The following NOX1 variants were observed in gnomAD, a reference collection of about 807,000 sequenced individuals.
NOX1 encodes the protein NADH/NADPH mitogenic oxidase subunit P65-MOX.
A neutral mutation model predicts 42.5 loss-of-function variants in NOX1; 34 were observed. The observed-to-expected ratio is 0.80, with a 90% CI of 0.61 to 1.07. The LOEUF is 1.07. NOX1 is among the 50% of genes least tolerant of loss of function. The pLI is 0.00. For missense variants in NOX1, 408 were observed against 427.0 expected, an observed-to-expected ratio of 0.96 and a Z score of 0.39; for synonymous variants, 143 against 152.5, an observed-to-expected ratio of 0.94 and a Z score of 0.46.
Position 100,849,864 on chromosome X carries a change from C to T in NOX1, c.1204G>A (p.Gly402Arg), listed in dbSNP as rs2085101009. The T allele has an allele frequency of 4.1e-6, 5 of 1,209,242 alleles. No individual in the cohort carries two copies. The highest frequency in any genetic ancestry group is 5.6e-6 in the Non-Finnish European group (5 of 894,631). Residue 402 changes from glycine to arginine, a missense_variant, in exon 10 of 13, where the codon GGA becomes AGA. Coordinates refer to ENST00000372966, the MANE Select transcript of NOX1 (RefSeq NM_007052.5). ...AAGGGGGTGACCCCAATTCCTGCTC[C>T]AACCAGCACAGCCACTTCATACTGG... ...VFQYEVAVLV[G>R]AGIGVTPFAS...
chrX:100,846,589 G>T (rs141947151), intron 12 of NOX1, among the ~76,000 whole-genome samples: 2 of 110,275 alleles, frequency 1.8e-5, no homozygotes, highest in African/African-American at 6.6e-5. Flanking sequence ...ATATAACCTA[G>T]GCAGCATTCC....
intron 7 of NOX1, among the ~76,000 whole-genome samples, chrX:100,857,072 T>A (rs1403532400): frequency 9.0e-6 from 1 of 111,515 alleles, no homozygotes. Context: ...TGTTATTCCC[T>A]TCTTTGTGTG....
chrX:100,872,190 C>G lies in NOX1; in HGVS notation c.46-1376G>C, dbSNP rs138655449. Among the ~76,000 whole-genome samples the G allele has an allele frequency of 8.0e-3, 893 of 112,039 alleles. 6 individuals are homozygous for G. Among genetic ancestry groups the G allele is most frequent in the African/African-American group, 0.027 (842 of 30,835 alleles). ...GTTACCCTTTTCCAGAGCTGAGTGT[C>G]TTCCAGAGAAACGTCTTTGAAAGAA... On this transcript the variant is annotated intron_variant, in intron 1 of 12. Coordinates refer to ENST00000372966, the MANE Select transcript of NOX1 (RefSeq NM_007052.5).
intron 12 of NOX1, among the ~76,000 whole-genome samples, chrX:100,844,584 C>T (rs1292932674): frequency 9.0e-6 from 1 of 111,271 alleles, no homozygotes; most frequent in Non-Finnish European, 1.9e-5. Context: ...AGGCACGCAC[C>T]AGCATGCCCA....
chrX:100,873,404 T>C (rs1027706715), intron 1 of NOX1, among the ~76,000 whole-genome samples: 17 of 112,113 alleles, frequency 1.5e-4, no homozygotes, highest in Non-Finnish European at 2.6e-4. Flanking sequence ...ATCTGCACTA[T>C]GCAATGCCAC....
At position 100,862,338 on chromosome X, in the gene NOX1, G is replaced by A. The variant is rs754563063; in HGVS notation, c.672-35C>T. ...ACAAAGAAGGATGGTTTGGGACAAA[G>A]AATTATGCAAGGTCAGGGGCTGGGG... On this transcript the variant is annotated intron_variant, in intron 6 of 12. Transcript: ENST00000372966. 4 of 1,210,991 alleles carry A rather than the reference G, an allele frequency of 3.3e-6. No individual in the cohort carries two copies. The African/African-American group carries it at 6.9e-5, about 21-fold the overall frequency.
intron 7 of NOX1, among the ~76,000 whole-genome samples, chrX:100,861,249 T>A (rs940845393): frequency 4.5e-5 from 5 of 111,676 alleles, no homozygotes; most frequent in Non-Finnish European, 9.4e-5. Flanking sequence ...TTTTCCCAGA[T>A]GATGATCTTA....
chrX:100,868,033 C>A (rs1208914346), intron 2 of NOX1, among the ~76,000 whole-genome samples: 1 of 111,918 alleles, frequency 8.9e-6, no homozygotes, highest in East Asian at 2.8e-4. Context: ...ACATTTTGGT[C>A]ATGTAGTAAT....
intron 7 of NOX1, among the ~76,000 whole-genome samples, chrX:100,858,212 G>A (rs905492737): frequency 9.0e-6 from 1 of 111,500 alleles, no homozygotes; most frequent in Non-Finnish European, 1.9e-5. Flanking sequence ...GCTTATTTTT[G>A]TTGACTTTGT....
intron 7 of NOX1, among the ~76,000 whole-genome samples, chrX:100,857,095 A>G (rs1277004419): frequency 9.0e-6 from 1 of 111,516 alleles, no homozygotes; most frequent in Non-Finnish European, 1.9e-5. Context: ...TATGTACTCA[A>G]TGTTTAGCTA....
intron 2 of NOX1, among the ~76,000 whole-genome samples, chrX:100,868,042 A>G (rs2085250631): frequency 8.9e-6 from 1 of 112,372 alleles, no homozygotes; most frequent in Non-Finnish European, 1.9e-5. Flanking sequence ...TCATGTAGTA[A>G]TCAAGCTGTT....
At chrX:100,870,297 G>A (rs2085266152) in intron 2 of NOX1, among the ~76,000 whole-genome samples, 1 of 109,218 alleles carries the variant, frequency 9.2e-6, no homozygotes, top group South Asian at 4.0e-4. Context: ...AGGAGCAGGA[G>A]CACTGCCCAG....
rs768926198 is a variant in NOX1 at position 100,874,092 on chromosome X, T to C, written c.45+3A>G. 6 of 1,186,710 alleles carry C rather than the reference T, an allele frequency of 5.1e-6. No homozygotes were observed. The East Asian group carries it at 1.8e-4, about 35-fold the overall frequency. On this transcript the variant is annotated splice_donor_region_variant and intron_variant, in intron 1 of 12. Transcript: ENST00000372966. ...AATTAATAGGAAGTCAAACATCACT[T>C]ACCAGAAACAAAACTGAAAACCAGT...
intron 2 of NOX1, among the ~76,000 whole-genome samples, chrX:100,868,751 T>C (rs1457391627): frequency 9.0e-6 from 1 of 111,671 alleles, no homozygotes; most frequent in Non-Finnish European, 1.9e-5. Context: ...TTTCTTAAAA[T>C]TGTAAGCAGG....
chrX:100,847,857 C>G (rs996266148), intron 12 of NOX1, among the ~76,000 whole-genome samples: 2 of 109,596 alleles, frequency 1.8e-5, no homozygotes, highest in African/African-American at 6.6e-5. Flanking sequence ...TCAGCTTCAT[C>G]TCCTTCCCAT....
At chrX:100,862,055 G>T in intron 7 of NOX1, 116 bp downstream of exon 7, 2 of 853,170 alleles carry the variant, frequency 2.3e-6, no homozygotes, top group Non-Finnish European at 3.3e-6. Context: ...TCCTTCATAA[G>T]ACCCAGCACA....
chrX:100,873,104 G>A (rs1484001366), intron 1 of NOX1, among the ~76,000 whole-genome samples: 1 of 109,521 alleles, frequency 9.1e-6, no homozygotes, highest in Non-Finnish European at 1.9e-5. Context: ...TTTTGCCTGT[G>A]GGACCCAAAA....
chrX:100,862,712 T>C lies in NOX1; in HGVS notation c.446A>G (p.Lys149Arg). 1 of 1,197,416 alleles carries C rather than the reference T, an allele frequency of 8.4e-7. No homozygotes were observed. Residue 149 changes from lysine to arginine, a missense_variant, in exon 5 of 13, where the codon AAA (lysine) becomes AGA (arginine). By Grantham distance (26) the Lys-to-Arg change is conservative. Transcript: ENST00000372966. ...GGGATTTAGCCAAGAACCCCCCTTT[T>C]TCTCATCATGAGATAGGCTGGAGAG... ...SILSSLSHDE[K>R]KGGSWLNPIQ...
chrX:100,849,953 T>C lies in NOX1; in HGVS notation c.1134-19A>G, dbSNP rs1393541923. The C allele has an allele frequency of 8.5e-7, 1 of 1,178,944 alleles. No individual in the cohort carries two copies. Among genetic ancestry groups the C allele is most frequent in the East Asian group, 3.0e-5 (1 of 33,538 alleles). On this transcript the variant is annotated intron_variant, in intron 9 of 12. Coordinates refer to ENST00000372966, the MANE Select transcript of NOX1 (RefSeq NM_007052.5). ...TTCAATCCTGGCAGAAGACAGAAGATAACGGGCAACTGAAGACTCCCCTCC... is the reference window on the plus strand; with the variant it reads ...TTCAATCCTGGCAGAAGACAGAAGACAACGGGCAACTGAAGACTCCCCTCC...
Sources: gnomAD v4.1 joint callset for allele counts (sites outside exome capture counted in the v4.1 genomes callset) on GRCh38, gnomAD v4.1.1 for gene constraint, MANE v1.5 for transcripts, NCBI Gene and HGNC (gene_info 2026-07-23, HGNC 2026-07-21) for gene names.